LARGE1: variants seen among roughly 807,000 people sequenced by gnomAD.
LARGE1 encodes the protein LARGE xylosyl- and glucuronyltransferase 1, also known as xylosyl- and glucuronyltransferase LARGE1.
A neutral mutation model predicts 87.6 loss-of-function variants in LARGE1; 43 were observed. That is an observed-to-expected ratio of 0.49 (90% CI 0.38 to 0.63). The LOEUF (loss-of-function observed/expected upper bound fraction) is 0.63, where lower values mean the gene tolerates loss of function less well. Ranked by LOEUF, LARGE1 falls within the 30% of genes least tolerant of loss-of-function variation. The pLI, the probability that LARGE1 is intolerant of heterozygous loss-of-function variation, is 0.00. For synonymous variants in LARGE1, 434 were observed against 394.6 expected (o/e 1.10, Z -1.18); for missense variants, 802 against 1,000.2 (o/e 0.80, Z 2.67).
intron 5 of LARGE1, among the ~76,000 whole-genome samples, chr22:33,592,933 A>G (rs1358106626): frequency 6.6e-6 from 1 of 152,004 alleles, no homozygotes; most frequent in South Asian, 2.1e-4. Flanking sequence ...TCTGCCTCCC[A>G]GGTTCACGCC....
chr22:33,089,040 A>G, the LARGE1 span, among the ~76,000 whole-genome samples: 1 of 152,102 alleles, frequency 6.6e-6, no homozygotes, highest in East Asian at 1.9e-4. Context: ...CTTTCCATCT[A>G]CTTCCTCACG....
intron 6 of LARGE1, among the ~76,000 whole-genome samples, chr22:33,444,901 C>T (rs545455381): frequency 6.6e-6 from 1 of 152,290 alleles, no homozygotes; most frequent in South Asian, 2.1e-4. Flanking sequence ...GCGATCTCGA[C>T]TCACTGCAAC....
intron 4 of LARGE1, among the ~76,000 whole-genome samples, chr22:33,622,686 C>T (rs2079793322): frequency 6.6e-6 from 1 of 152,174 alleles, no homozygotes; most frequent in South Asian, 2.1e-4. Flanking sequence ...TATATGTAAG[C>T]CCCCAGTTAA....
At chr22:33,466,263 GT>G (rs2068603255) in intron 6 of LARGE1, among the ~76,000 whole-genome samples, 1 of 151,924 alleles carries the variant, frequency 6.6e-6, no homozygotes, top group African/African-American at 2.4e-5. Context: ...CTTACTTCAT[GT>G]CCCTCTCTCC....
chr22:33,481,852 C>T (rs956961429), intron 6 of LARGE1, among the ~76,000 whole-genome samples: 2 of 152,156 alleles, frequency 1.3e-5, no homozygotes, highest in Non-Finnish European at 2.9e-5. Context: ...AAAAGTCAGG[C>T]AGTGGCCACC....
At position 33,377,546 on chromosome 22, in the gene LARGE1, T is replaced by G. The variant is rs184591104; in HGVS notation, c.1131+4373A>C. ...GAGAGGATCTCTTCATTATTAAGGC[T>G]GACAATACTTTAGCAGTTTCTTTGC... On this transcript the variant is annotated intron_variant, in intron 9 of 14. Coordinates refer to ENST00000397394, the MANE Select transcript of LARGE1 (RefSeq NM_133642.5). Among the ~76,000 whole-genome samples the G allele has an allele frequency of 2.7e-3, 407 of 152,376 alleles. 5 individuals are homozygous for G. Among genetic ancestry groups the G allele is most frequent in the Non-Finnish European group, 6.3e-4 (43 of 68,038 alleles).
At chr22:33,176,241 T>C (rs1922862749) in intron 11 of LARGE1, among the ~76,000 whole-genome samples, 1 of 152,140 alleles carries the variant, frequency 6.6e-6, no homozygotes, top group Admixed American at 6.5e-5. Context: ...GACATAGGCA[T>C]GGGCAAAGAC....
the LARGE1 span, among the ~76,000 whole-genome samples, chr22:33,071,343 G>C: frequency 3.3e-5 from 5 of 152,164 alleles, no homozygotes; most frequent in African/African-American, 1.2e-4. Flanking sequence ...GATCTCTCTG[G>C]CTCCTATGTG....
At chr22:33,652,574 A>G (rs893830372) in intron 2 of LARGE1, among the ~76,000 whole-genome samples, 2 of 152,126 alleles carry the variant, frequency 1.3e-5, no homozygotes, top group African/African-American at 4.8e-5. Context: ...AAGCAAAAAA[A>G]GCATATCTCT....
chr22:33,921,803 G>C (rs1054638691), upstream of LARGE1, among the ~76,000 whole-genome samples: 10 of 152,126 alleles, frequency 6.6e-5, no homozygotes, highest in Admixed American at 5.2e-4. This position sits in a 1 kb window ranked among gnomAD's most constrained non-coding sequence, Gnocchi z 4.1. Context: ...GGACCAGGGT[G>C]GGGGTACGGA....
chr22:33,550,195 A>ATG (rs2077486800), intron 6 of LARGE1, among the ~76,000 whole-genome samples: 1 of 151,340 alleles, frequency 6.6e-6, no homozygotes, highest in Non-Finnish European at 1.5e-5. Flanking sequence ...ATATGTATGT[A>ATG]TGTATATATA....
intron 12 of LARGE1, among the ~76,000 whole-genome samples, chr22:33,289,677 C>A (rs11912015): frequency 2.0e-5 from 3 of 152,144 alleles, no homozygotes; most frequent in Non-Finnish European, 4.4e-5. Context: ...TATGAGATCT[C>A]GGTCTCTAGC....
At chr22:33,169,885 T>C (rs561869855) in intron 11 of LARGE1, among the ~76,000 whole-genome samples, 5 of 152,120 alleles carry the variant, frequency 3.3e-5, no homozygotes, top group Admixed American at 6.6e-5. Flanking sequence ...AGGTTTTACA[T>C]AGCACTGAGA....
chr22:33,533,082 T>A (rs2076943729), intron 6 of LARGE1, among the ~76,000 whole-genome samples: 1 of 152,112 alleles, frequency 6.6e-6, no homozygotes, highest in Non-Finnish European at 1.5e-5. Context: ...GGGCCCATGT[T>A]AAAGAAGGGA....
chr22:33,278,542 ATC>A (rs369492393), intron 13 of LARGE1, among the ~76,000 whole-genome samples: 5 of 145,758 alleles, frequency 3.4e-5, no homozygotes, highest in East Asian at 2.0e-4. Context: ...ACTATTTTAA[ATC>A]TCTCTCTCTC....
chr22:33,693,063 G>T (rs2082140810), intron 2 of LARGE1, among the ~76,000 whole-genome samples: 1 of 152,118 alleles, frequency 6.6e-6, no homozygotes, highest in Non-Finnish European at 1.5e-5. Context: ...ATACTACACA[G>T]CCATAAAAAA....
At chr22:33,620,358 T>C (rs1486409619) in intron 4 of LARGE1, among the ~76,000 whole-genome samples, 1 of 152,204 alleles carries the variant, frequency 6.6e-6, no homozygotes, top group East Asian at 1.9e-4. Context: ...ATTTCTTTTC[T>C]CTGCTCCCTA....
chr22:33,610,975 T>A (rs1215323303), intron 4 of LARGE1, among the ~76,000 whole-genome samples: 1 of 152,222 alleles, frequency 6.6e-6, no homozygotes, highest in Admixed American at 6.5e-5. Context: ...CCATGGGGTG[T>A]TAAGCCTGTC....
At chr22:33,437,007 G>T (rs1039941104) in intron 6 of LARGE1, among the ~76,000 whole-genome samples, 12 of 152,120 alleles carry the variant, frequency 7.9e-5, no homozygotes, top group African/African-American at 2.9e-4. Flanking sequence ...TGGCAGGGGC[G>T]GGGGTGGTGC....
Sources: allele counts gnomAD v4.1 joint callset (sites outside exome capture counted in the v4.1 genomes callset), GRCh38; gene constraint gnomAD v4.1.1; non-coding constraint Gnocchi (gnomAD v3.1); transcripts MANE v1.5; gene names NCBI Gene and HGNC (gene_info 2026-07-23, HGNC 2026-07-21).